ADGRB3: variants seen among roughly 807,000 people sequenced by gnomAD.
ADGRB3 encodes brain-specific angiogenesis inhibitor 3.
A neutral mutation model predicts 193.4 loss-of-function variants in ADGRB3; 37 were observed. That is an observed-to-expected ratio of 0.19 (90% confidence interval 0.15 to 0.25). The LOEUF (loss-of-function observed/expected upper bound fraction) is 0.25. ADGRB3 is among the 10% of genes least tolerant of loss of function. ADGRB3 has a pLI of 1.00. For synonymous variants in ADGRB3, 690 were observed against 644.2 expected (o/e 1.07, Z -1.08); for missense variants, 1,637 against 1,852.9 (o/e 0.88, Z 2.14).
At chr6:68,644,031 CT>C (rs1768146910) in intron 3 of ADGRB3, among the ~76,000 whole-genome samples, 1 of 151,178 alleles carries the variant, frequency 6.6e-6, no homozygotes, top group South Asian at 2.1e-4. Context: ...AAAAAAAACC[CT>C]GAGGCTTTCA....
chr6:68,787,417 G>GT (rs199628499), intron 3 of ADGRB3, among the ~76,000 whole-genome samples: 3,508 of 152,152 alleles, frequency 0.023, 68 homozygotes, highest in South Asian at 0.075. Context: ...ATAATCATGT[G>GT]TTTTTTGTCT....
chr6:69,382,788 T>C (rs751798440), intron 30 of ADGRB3, 43 bp from the exon 31 acceptor site: 2 of 1,372,968 alleles, frequency 1.5e-6, no homozygotes, highest in African/African-American at 3.0e-5. Context: ...TTGAAAAACA[T>C]ACATCAAGTT....
At chr6:69,133,636 G>C (rs1026617364) in intron 17 of ADGRB3, among the ~76,000 whole-genome samples, 1 of 151,686 alleles carries the variant, frequency 6.6e-6, no homozygotes, top group Non-Finnish European at 1.5e-5. Flanking sequence ...GCATCATCCT[G>C]ATAACGAAAC....
intron 16 of ADGRB3, among the ~76,000 whole-genome samples, chr6:69,068,786 T>C (rs935906089): frequency 5.3e-5 from 8 of 152,200 alleles, no homozygotes; most frequent in Middle Eastern, 3.2e-3. Flanking sequence ...ATATTAAATA[T>C]GTGCCCTCTC....
rs1425056737 is a variant in ADGRB3 at position 68,897,473 on chromosome 6, G to A, written c.758-33086G>A. Among the ~76,000 whole-genome samples the A allele has an allele frequency of 8.3e-5, 4 of 48,256 alleles. No individual in the cohort carries two copies. In the East Asian group the frequency reaches 1.6e-3, roughly 19 times the overall value. 31.7% of individuals were successfully genotyped at this position (48,256 alleles called of 152,430 possible). A position where few individuals can be genotyped will look rare whatever the true frequency, so the allele number is the denominator to read the frequency against. Reference sequence around the variant, plus strand: ...GGGAGGGAGGGAGGGAGGAAAGGGAGGGAGGGATGGAGGAAGGGAGGGAGG... The same window carrying A: ...GGGAGGGAGGGAGGGAGGAAAGGGAAGGAGGGATGGAGGAAGGGAGGGAGG... On this transcript the variant is annotated intron_variant, in intron 3 of 31. Coordinates refer to ENST00000370598, the MANE Select transcript of ADGRB3 (RefSeq NM_001704.3).
chr6:69,153,347 G>C (rs1774733976), intron 17 of ADGRB3, among the ~76,000 whole-genome samples: 1 of 152,096 alleles, frequency 6.6e-6, no homozygotes, highest in South Asian at 2.1e-4. Flanking sequence ...TCTTTTTCAA[G>C]CTTGATAATG....
intron 17 of ADGRB3, among the ~76,000 whole-genome samples, chr6:69,215,726 C>T (rs1561955429): frequency 1.3e-5 from 2 of 152,096 alleles, no homozygotes. Flanking sequence ...TTAGTTGTGG[C>T]TTTGTCCATT....
intron 17 of ADGRB3, among the ~76,000 whole-genome samples, chr6:69,136,839 C>T (rs1454076196): frequency 2.0e-5 from 3 of 151,892 alleles, no homozygotes; most frequent in Admixed American, 1.3e-4. Context: ...CTTTGAATAG[C>T]GCCCCACTTT....
At chr6:68,769,174 C>G (rs747509234) in intron 3 of ADGRB3, among the ~76,000 whole-genome samples, 3 of 152,162 alleles carry the variant, frequency 2.0e-5, no homozygotes, top group Non-Finnish European at 4.4e-5. Context: ...TTTGAACCAG[C>G]AGTCCCATCA....
intron 20 of ADGRB3, among the ~76,000 whole-genome samples, chr6:69,322,292 T>C (rs1361033547): frequency 6.6e-6 from 1 of 151,974 alleles, no homozygotes; most frequent in Non-Finnish European, 1.5e-5. Context: ...TTTTCTATTA[T>C]GAATACTGCT....
intron 13 of ADGRB3, among the ~76,000 whole-genome samples, chr6:69,043,333 A>AAAGAAAGAAAGAAAGAAAGG (rs1771140689): frequency 1.7e-5 from 2 of 114,504 alleles, no homozygotes; most frequent in African/African-American, 3.3e-5. Context: ...AGAAAGAAAG[A>AAAGAAAGAAAGAAAGAAAGG]GAAAGAAAAG....
chr6:68,671,996 G>A (rs949113945), intron 3 of ADGRB3, among the ~76,000 whole-genome samples: 1 of 151,948 alleles, frequency 6.6e-6, no homozygotes, highest in Admixed American at 6.6e-5. Context: ...ATCTTGGTAG[G>A]TTGTATGCAT....
chr6:68,966,510 T>G (rs1211489115), intron 8 of ADGRB3, among the ~76,000 whole-genome samples: 3 of 152,170 alleles, frequency 2.0e-5, no homozygotes, highest in Non-Finnish European at 4.4e-5. Flanking sequence ...CCAGTTCTCT[T>G]TGCTCCCTGG....
chr6:69,051,649 G>A (rs1771396173), intron 15 of ADGRB3, among the ~76,000 whole-genome samples: 1 of 152,128 alleles, frequency 6.6e-6, no homozygotes, highest in African/African-American at 2.4e-5. Context: ...CCTCGAGCTT[G>A]TTTTTCTCCT....
intron 3 of ADGRB3, among the ~76,000 whole-genome samples, chr6:68,843,661 GAAAA>G (rs34433960): frequency 6.7e-6 from 1 of 149,592 alleles, no homozygotes; most frequent in African/African-American, 2.5e-5. Flanking sequence ...CATAGAAATA[GAAAA>G]AAAAAATCCT....
chr6:68,963,736 A>G (rs768932905), intron 8 of ADGRB3, among the ~76,000 whole-genome samples: 8 of 152,126 alleles, frequency 5.3e-5, no homozygotes, highest in African/African-American at 7.2e-5. Flanking sequence ...GAGCCCATCC[A>G]TTAAGAGATG....
chr6:69,234,002 C>T (rs1220597856), intron 18 of ADGRB3, among the ~76,000 whole-genome samples: 2 of 152,096 alleles, frequency 1.3e-5, no homozygotes, highest in Non-Finnish European at 2.9e-5. Flanking sequence ...CTGTACATAA[C>T]TGTCTGAAAG....
At chr6:68,859,973 C>G (rs968146379) in intron 3 of ADGRB3, among the ~76,000 whole-genome samples, 2 of 151,726 alleles carry the variant, frequency 1.3e-5, no homozygotes, top group African/African-American at 4.8e-5. Flanking sequence ...AATAATTATT[C>G]CATAACATAA....
intron 17 of ADGRB3, among the ~76,000 whole-genome samples, chr6:69,106,539 A>T (rs2150323830): frequency 6.6e-6 from 1 of 152,348 alleles, no homozygotes; most frequent in African/African-American, 2.4e-5. Flanking sequence ...AAGTAAGTAA[A>T]AGCTTTTGCT....
Sources: gnomAD v4.1 joint callset for allele counts (sites outside exome capture counted in the v4.1 genomes callset) on GRCh38, gnomAD v4.1.1 for gene constraint, MANE v1.5 for transcripts, NCBI Gene and HGNC (gene_info 2026-07-23, HGNC 2026-07-21) for gene names.